The following BMPER variants were observed in gnomAD, a reference collection of about 807,000 sequenced individuals.
BMPER encodes BMP-binding endothelial regulator protein.
Under a neutral mutation model 87.3 loss-of-function variants are expected in BMPER, and 45 were observed. That is an observed-to-expected ratio of 0.52 (90% confidence interval 0.41 to 0.66). The LOEUF (loss-of-function observed/expected upper bound fraction) is 0.66, where lower values mean the gene tolerates loss of function less well. BMPER is among the 30% of genes least tolerant of loss of function. The probability of loss-of-function intolerance (pLI) is 0.00; values close to 1 mark genes in which losing one functional copy is unlikely to be tolerated. For synonymous variants in BMPER, 326 were observed against 316.2 expected (o/e 1.03, Z -0.33); for missense variants, 784 against 867.5 (o/e 0.90, Z 1.21).
intron 13 of BMPER, among the ~76,000 whole-genome samples, chr7:34,130,644 G>C (rs1389731364): frequency 1.3e-5 from 2 of 152,188 alleles, no homozygotes; most frequent in Non-Finnish European, 2.9e-5. Flanking sequence ...TGCCAGCCCT[G>C]GGGCATGGTG....
At chr7:34,111,634 CTA>C (rs1789965169) in intron 13 of BMPER, among the ~76,000 whole-genome samples, 1 of 152,184 alleles carries the variant, frequency 6.6e-6, no homozygotes, top group African/African-American at 2.4e-5. Flanking sequence ...CTTTTCAACC[CTA>C]TAAAAAGAAA....
intron 13 of BMPER, among the ~76,000 whole-genome samples, chr7:34,135,549 G>A (rs920647515): frequency 2.0e-5 from 3 of 152,184 alleles, no homozygotes; most frequent in African/African-American, 7.2e-5. Context: ...GAGGCTGCAT[G>A]ATTCTCTGTC....
intron 2 of BMPER, among the ~76,000 whole-genome samples, chr7:33,932,673 T>C (rs922499136): frequency 6.6e-6 from 1 of 152,172 alleles, no homozygotes; most frequent in Non-Finnish European, 1.5e-5. Flanking sequence ...CATTTCTCCC[T>C]CCACTACCCT....
intron 6 of BMPER, among the ~76,000 whole-genome samples, chr7:33,996,944 T>G (rs141229391): frequency 6.6e-6 from 1 of 152,224 alleles, no homozygotes; most frequent in Non-Finnish European, 1.5e-5. Context: ...ACATTTCCAG[T>G]GCTCAATCGC....
intron 13 of BMPER, among the ~76,000 whole-genome samples, chr7:34,124,956 GATCAGTAAAT>G: frequency 6.6e-6 from 1 of 151,418 alleles, no homozygotes; most frequent in East Asian, 1.9e-4. Context: ...TGAAAAATTA[GATCAGTAAAT>G]ATCTTGAGAT....
At position 34,055,197 on chromosome 7, in the gene BMPER, A is replaced by C; in HGVS notation, c.821A>C (p.His274Pro). ...GTGGTTTGCAAGAGGAAGTGCTCCC[A>C]CCCTGGTGGCTGTGACCAAGGCCAG... The part of the protein sequence containing the change: ...STVVCKRKCS[H>P]PGGCDQGQEG... The change falls in exon 9 of 15, where the codon CAC (histidine) becomes CCC (proline). Residue 274 changes from histidine to proline, a missense_variant. Transcript: ENST00000649409. 1 of 1,614,122 alleles carries C rather than the reference A, an allele frequency of 6.2e-7. No individual in the cohort carries two copies. Among genetic ancestry groups the C allele is most frequent in the Non-Finnish European group, 8.5e-7 (1 of 1,180,024 alleles).
chr7:33,985,015 C>T (rs758338679), intron 6 of BMPER, among the ~76,000 whole-genome samples: 5 of 152,228 alleles, frequency 3.3e-5, no homozygotes, highest in Non-Finnish European at 7.3e-5. Flanking sequence ...TTTTGTGTTA[C>T]ACACTATGTT....
chr7:34,103,100 C>T (rs1585837378), intron 13 of BMPER, among the ~76,000 whole-genome samples: 1 of 152,048 alleles, frequency 6.6e-6, no homozygotes, highest in Non-Finnish European at 1.5e-5. Context: ...AGTGGAAGGG[C>T]AGATACAAGG....
chr7:34,117,484 A>AAAAAGCTGTTAGGTTGATAATCACTC, intron 13 of BMPER, among the ~76,000 whole-genome samples: 1 of 152,172 alleles, frequency 6.6e-6, no homozygotes, highest in Non-Finnish European at 1.5e-5. Flanking sequence ...AAAACAGACA[A>AAAAAGCTGTTAGGTTGATAATCACTC]AAAAGCTGTT....
In BMPER at chr7:33,909,454, T is replaced by G. The variant is rs540304136; in HGVS notation, c.219+2551T>G. On this transcript the variant is annotated intron_variant, in intron 2 of 14. Transcript: ENST00000649409. The stretch of plus-strand genomic sequence containing the variant: ...TTCAGGAGTTCAGTTAGTTGACATT[T>G]GTTAATCGCATTATATGAAAGGAAA... 2.3e-3 allele frequency among the ~76,000 whole-genome samples: 343 copies of G among 152,310 alleles called. 1 individual carries two copies. Among genetic ancestry groups the G allele is most frequent in the Admixed American group, 6.1e-3 (94 of 15,298 alleles).
At chr7:33,937,926 C>G (rs1454226813) in intron 3 of BMPER, among the ~76,000 whole-genome samples, 1 of 152,198 alleles carries the variant, frequency 6.6e-6, no homozygotes, top group Non-Finnish European at 1.5e-5. Flanking sequence ...CCATCACCCT[C>G]CAGCCACATG....
At chr7:34,105,361 A>C (rs1432731364) in intron 13 of BMPER, among the ~76,000 whole-genome samples, 1 of 152,182 alleles carries the variant, frequency 6.6e-6, no homozygotes, top group East Asian at 1.9e-4. Flanking sequence ...GGACTTCCTT[A>C]GGAAAGGTCT....
At chr7:33,975,465 C>A (rs917555401) in intron 6 of BMPER, among the ~76,000 whole-genome samples, 1 of 152,086 alleles carries the variant, frequency 6.6e-6, no homozygotes, top group South Asian at 2.1e-4. Flanking sequence ...CATATACTAA[C>A]GATCTCTCCA....
intron 6 of BMPER, among the ~76,000 whole-genome samples, chr7:34,020,821 TG>T (rs1210594092): frequency 1.3e-5 from 2 of 151,310 alleles, no homozygotes; most frequent in African/African-American, 4.9e-5. Flanking sequence ...GCAGGCAGCA[TG>T]GGGTCTTTCA....
intron 3 of BMPER, among the ~76,000 whole-genome samples, chr7:33,959,608 T>C (rs73316004): frequency 2.3e-3 from 351 of 152,316 alleles, no homozygotes; most frequent in African/African-American, 8.0e-3. Context: ...AGAGAGCAAA[T>C]GCAAGAATGG....
intron 13 of BMPER, among the ~76,000 whole-genome samples, chr7:34,129,235 G>A (rs545161254): frequency 2.4e-4 from 37 of 152,074 alleles, no homozygotes; most frequent in African/African-American, 8.4e-4. Context: ...GGGTGTGGTG[G>A]CTCATGCCTG....
At chr7:34,015,978 T>C (rs73329116) in intron 6 of BMPER, among the ~76,000 whole-genome samples, 24,313 of 150,286 alleles carry the variant, frequency 0.16, 3,036 homozygotes, top group African/African-American at 0.35. Flanking sequence ...AAAAGACAGA[T>C]GGAGAAAGAG....
At chr7:34,052,051 C>T in intron 8 of BMPER, 81 bp downstream of exon 8, 4 of 1,223,634 alleles carry the variant, frequency 3.3e-6, no homozygotes, top group East Asian at 2.3e-5. Flanking sequence ...TAGCCAAAGC[C>T]AATGGTGTGT....
intron 10 of BMPER, among the ~76,000 whole-genome samples, chr7:34,059,089 C>A (rs1788361932): frequency 6.6e-6 from 1 of 151,466 alleles, no homozygotes; most frequent in Admixed American, 6.6e-5. Context: ...TGAAAGCCTC[C>A]CATAAAAGAA....
Sources: gnomAD v4.1 joint callset for allele counts (sites outside exome capture counted in the v4.1 genomes callset) on GRCh38, gnomAD v4.1.1 for gene constraint, MANE v1.5 for transcripts, NCBI Gene and HGNC (gene_info 2026-07-23, HGNC 2026-07-21) for gene names.